The following RARB variants were observed in gnomAD, a reference collection of about 807,000 sequenced individuals.
The protein encoded by RARB is HBV-activated protein.
RARB carries 17 observed loss-of-function variants against 51.9 expected under a neutral mutation model. The ratio of observed to expected loss-of-function variants is 0.33; its 90% CI spans 0.22 to 0.49. The LOEUF (loss-of-function observed/expected upper bound fraction) is 0.49. Ranked by LOEUF, RARB falls within the 20% of genes least tolerant of loss-of-function variation. The pLI is 0.99. For synonymous variants in RARB, 215 were observed against 195.4 expected, an observed-to-expected ratio of 1.10 and a Z score of -0.84; for missense variants, 369 against 550.8, an observed-to-expected ratio of 0.67 and a Z score of 3.30.
chr3:25,529,979 A>C (rs544567099), intron 3 of RARB, among the ~76,000 whole-genome samples: 8 of 152,160 alleles, frequency 5.3e-5, no homozygotes, highest in African/African-American at 1.4e-4. Context: ...GTTGCCCTTC[A>C]TGTCCTGGCC....
intron 5 of RARB, among the ~76,000 whole-genome samples, chr3:25,591,983 G>T (rs1052258648): frequency 6.6e-6 from 1 of 152,204 alleles, no homozygotes; most frequent in Admixed American, 6.5e-5. Flanking sequence ...TGAGGCTCTT[G>T]TGGATCCACC....
At chr3:25,569,972 A>G (rs1022421744) in intron 4 of RARB, 54 bp downstream of exon 4, 363 of 1,333,384 alleles carry the variant, frequency 2.7e-4, no homozygotes, top group Non-Finnish European at 3.5e-4. Flanking sequence ...TTGTACGTGC[A>G]TGTGTGCAGA....
chr3:24,893,850 CAT>C (rs1489563994), intron 2 of RARB, among the ~76,000 whole-genome samples: 1 of 152,228 alleles, frequency 6.6e-6, no homozygotes, highest in Admixed American at 6.5e-5. Context: ...TGGATGTAAT[CAT>C]GTGCATTTTC....
intron 2 of RARB, among the ~76,000 whole-genome samples, chr3:25,478,357 T>C (rs1696061571): frequency 6.6e-6 from 1 of 152,216 alleles, no homozygotes; most frequent in Non-Finnish European, 1.5e-5. Flanking sequence ...TAGTTTTGAA[T>C]CACAGGCTCT....
At chr3:25,399,170 C>G (rs1022805348) in intron 5 of RARB, among the ~76,000 whole-genome samples, 1 of 152,192 alleles carries the variant, frequency 6.6e-6, no homozygotes, top group Non-Finnish European at 1.5e-5. Flanking sequence ...CACTATGATG[C>G]TTTACTGAGA....
chr3:25,056,647 A>G (rs919065151), intron 2 of RARB, among the ~76,000 whole-genome samples: 4 of 152,228 alleles, frequency 2.6e-5, no homozygotes, highest in Admixed American at 1.3e-4. Context: ...TACCCAATAG[A>G]TACCCAATTT....
chr3:25,466,250 C>T (rs1369270922), intron 2 of RARB, among the ~76,000 whole-genome samples: 4 of 152,120 alleles, frequency 2.6e-5, no homozygotes, highest in African/African-American at 4.8e-5. Flanking sequence ...TGCAGTGGCG[C>T]GATCTAGGCT....
intron 2 of RARB, among the ~76,000 whole-genome samples, chr3:25,493,878 A>G (rs146013244): frequency 1.3e-5 from 2 of 152,338 alleles, no homozygotes; most frequent in East Asian, 1.9e-4. Flanking sequence ...CAATGGCTCT[A>G]AGGCTAAAAA....
chr3:25,255,307 A>G (rs1044279538), intron 5 of RARB, among the ~76,000 whole-genome samples: 2 of 152,186 alleles, frequency 1.3e-5, no homozygotes, highest in African/African-American at 4.8e-5. Context: ...CCCAGCAGTG[A>G]CTAGCGGTAA....
At chr3:24,972,668 T>C (rs906969703) in intron 2 of RARB, among the ~76,000 whole-genome samples, 1 of 152,098 alleles carries the variant, frequency 6.6e-6, no homozygotes, top group Non-Finnish European at 1.5e-5. Flanking sequence ...TCCAGACTTT[T>C]TGATAAATAC....
intron 3 of RARB, among the ~76,000 whole-genome samples, chr3:25,504,534 C>T (rs919340628): frequency 1.3e-5 from 2 of 152,050 alleles, no homozygotes; most frequent in Non-Finnish European, 2.9e-5. Flanking sequence ...TCACCCAAAC[C>T]ATGTGGGTGG....
intron 1 of RARB, among the ~76,000 whole-genome samples, chr3:25,450,824 G>A (rs577608392): frequency 6.6e-5 from 10 of 152,106 alleles, no homozygotes; most frequent in South Asian, 2.1e-4. Flanking sequence ...GGTGGCTCAC[G>A]CCTGTAATCT....
At chr3:25,006,968 A>G (rs1373059773) in intron 2 of RARB, among the ~76,000 whole-genome samples, 1 of 152,186 alleles carries the variant, frequency 6.6e-6, no homozygotes, top group Non-Finnish European at 1.5e-5. Flanking sequence ...CCACAGTATT[A>G]TGTAGTCCTT....
chr3:24,870,061 T>C (rs901631301), intron 2 of RARB, among the ~76,000 whole-genome samples: 1 of 152,104 alleles, frequency 6.6e-6, no homozygotes. Context: ...ACCTGTGATA[T>C]TTTTCTGTTG....
intron 2 of RARB, among the ~76,000 whole-genome samples, chr3:25,048,901 C>T (rs555369731): frequency 7.7e-4 from 117 of 151,982 alleles, no homozygotes; most frequent in African/African-American, 2.0e-3. Flanking sequence ...GACTAGCGCC[C>T]GCCACTGTGC....
chr3:25,365,239 A>G (rs1161582285), intron 5 of RARB, among the ~76,000 whole-genome samples: 6 of 107,694 alleles, frequency 5.6e-5, no homozygotes, highest in Admixed American at 1.4e-4. Flanking sequence ...CTGGAGGCTC[A>G]AGGGATTCTA....
intron 5 of RARB, among the ~76,000 whole-genome samples, chr3:25,395,009 T>C (rs1175353184): frequency 6.6e-6 from 1 of 152,226 alleles, no homozygotes; most frequent in Non-Finnish European, 1.5e-5. Flanking sequence ...CCTGTGGGAT[T>C]TATGCTTCAA....
chr3:25,027,417 C>T (rs1211613015), intron 2 of RARB, among the ~76,000 whole-genome samples: 1 of 152,130 alleles, frequency 6.6e-6, no homozygotes, highest in Non-Finnish European at 1.5e-5. Context: ...TAAAATACAT[C>T]TTCCCCCCCA....
intron 3 of RARB, among the ~76,000 whole-genome samples, chr3:25,529,388 G>T (rs911253406): frequency 1.3e-5 from 2 of 151,718 alleles, no homozygotes; most frequent in East Asian, 3.9e-4. Flanking sequence ...AGAAAAACAT[G>T]GATGAGGCTT....
Sources: gnomAD v4.1 joint callset for allele counts (sites outside exome capture counted in the v4.1 genomes callset) on GRCh38, gnomAD v4.1.1 for gene constraint, MANE v1.5 for transcripts, NCBI Gene and HGNC (gene_info 2026-07-23, HGNC 2026-07-21) for gene names.